Variants in DGKB observed in about 807,000 individuals in gnomAD.
The protein encoded by DGKB is diacylglycerol kinase beta, also known as 90 kDa diacylglycerol kinase.
Under a neutral mutation model 114.3 loss-of-function variants are expected in DGKB, and 67 were observed. That is an observed-to-expected ratio of 0.59 (90% CI 0.48 to 0.72). DGKB has a LOEUF of 0.72. Among genes scored for constraint, DGKB ranks in the 30% least tolerant of loss-of-function variants. The probability of loss-of-function intolerance (pLI) is 0.00; values close to 1 mark genes in which losing one functional copy is unlikely to be tolerated. For synonymous variants in DGKB, 398 were observed against 323.1 expected (o/e 1.23, Z -2.49); for missense variants, 907 against 975.2 (o/e 0.93, Z 0.93).
chr7:14,370,728 T>G (rs1290157646), intron 21 of DGKB, among the ~76,000 whole-genome samples: 5 of 152,144 alleles, frequency 3.3e-5, no homozygotes, highest in Non-Finnish European at 5.9e-5. Context: ...ATGGGTATAT[T>G]GCATGAAGCT....
intron 21 of DGKB, among the ~76,000 whole-genome samples, chr7:14,367,123 C>T (rs1319217134): frequency 6.6e-6 from 1 of 152,140 alleles, no homozygotes; most frequent in African/African-American, 2.4e-5. Context: ...AGCTCCCAGC[C>T]ACGCTATCTT....
At chr7:14,499,270 C>G (rs1377049375) in intron 20 of DGKB, among the ~76,000 whole-genome samples, 4 of 151,726 alleles carry the variant, frequency 2.6e-5, no homozygotes, top group Non-Finnish European at 3.0e-5. Flanking sequence ...GGGCTGGTAT[C>G]TAGGAGTTAA....
intron 1 of DGKB, among the ~76,000 whole-genome samples, chr7:14,843,522 G>A (rs1249052100): frequency 6.6e-6 from 1 of 151,052 alleles, no homozygotes; most frequent in African/African-American, 2.4e-5. Context: ...TTTTAGTAGA[G>A]ACGGGGTTTC....
At chr7:14,189,651 A>T (rs886391248) in intron 23 of DGKB, among the ~76,000 whole-genome samples, 1 of 152,178 alleles carries the variant, frequency 6.6e-6, no homozygotes, top group Middle Eastern at 3.2e-3. Context: ...ACCCAACTAT[A>T]TACTACCTAA....
intron 21 of DGKB, among the ~76,000 whole-genome samples, chr7:14,407,147 G>A (rs1446886415): frequency 1.3e-5 from 2 of 152,106 alleles, no homozygotes; most frequent in Admixed American, 1.3e-4. Flanking sequence ...GCATGAATGT[G>A]ACAGGGAGCA....
chr7:14,798,827 G>A (rs1051663618), intron 2 of DGKB, among the ~76,000 whole-genome samples: 2 of 152,204 alleles, frequency 1.3e-5, no homozygotes, highest in African/African-American at 2.4e-5. Context: ...AACAGATATA[G>A]TCAGCAGCTC....
intron 1 of DGKB, among the ~76,000 whole-genome samples, chr7:14,876,162 C>T (rs893108876): frequency 6.6e-6 from 1 of 152,122 alleles, no homozygotes; most frequent in African/African-American, 2.4e-5. Context: ...TGTCTGTTTA[C>T]CATTGCCATG....
intron 2 of DGKB, among the ~76,000 whole-genome samples, chr7:14,818,229 C>T (rs1844435336): frequency 6.6e-6 from 1 of 152,102 alleles, no homozygotes; most frequent in Admixed American, 6.5e-5. Context: ...AATAATCCTC[C>T]TACAAGTGAC....
intron 1 of DGKB, among the ~76,000 whole-genome samples, chr7:14,971,341 T>C (rs1787455469): frequency 6.6e-6 from 1 of 152,184 alleles, no homozygotes; most frequent in Non-Finnish European, 1.5e-5. Flanking sequence ...AAAAATCTCA[T>C]TCATATTGCA....
intron 8 of DGKB, among the ~76,000 whole-genome samples, chr7:14,696,501 C>CAA (rs35486620): frequency 0.031 from 1,399 of 45,100 alleles, 136 homozygotes; most frequent in East Asian, 0.062. Context: ...GACTCCGTCT[C>CAA]AAAAAAAAAA....
At chr7:14,734,661 G>A (rs969244755) in intron 5 of DGKB, among the ~76,000 whole-genome samples, 2 of 151,894 alleles carry the variant, frequency 1.3e-5, no homozygotes, top group Non-Finnish European at 2.9e-5. Context: ...ACTATTTTTT[G>A]TTTGTTTTTG....
intron 1 of DGKB, among the ~76,000 whole-genome samples, chr7:14,964,906 C>G (rs1787063829): frequency 1.3e-5 from 2 of 152,044 alleles, no homozygotes; most frequent in Non-Finnish European, 2.9e-5. Flanking sequence ...ACAGATAGTA[C>G]TGGATCATAA....
chr7:14,612,360 G>T (rs566702144), intron 16 of DGKB, among the ~76,000 whole-genome samples: 2 of 151,642 alleles, frequency 1.3e-5, no homozygotes, highest in Non-Finnish European at 2.9e-5. Context: ...TAGTAGAGAC[G>T]GGGTTTCACT....
intron 1 of DGKB, among the ~76,000 whole-genome samples, chr7:14,856,653 C>T (rs181025698): frequency 6.8e-6 from 1 of 147,286 alleles, no homozygotes; most frequent in Non-Finnish European, 1.5e-5. Context: ...TAAAAGTATT[C>T]ATTGTGTGTG....
At chr7:14,805,511 T>G (rs940647655) in intron 2 of DGKB, among the ~76,000 whole-genome samples, 1 of 152,070 alleles carries the variant, frequency 6.6e-6, no homozygotes, top group East Asian at 1.9e-4. Flanking sequence ...TTTTCATGGT[T>G]TTTTTCAGTT....
intron 21 of DGKB, among the ~76,000 whole-genome samples, chr7:14,466,795 C>T (rs898846014): frequency 2.6e-5 from 4 of 151,952 alleles, no homozygotes; most frequent in African/African-American, 7.3e-5. Flanking sequence ...TGCAGCCTGG[C>T]GACAGAGCAA....
chr7:14,913,108 C>T (rs1390622675), intron 1 of DGKB, among the ~76,000 whole-genome samples: 1 of 152,044 alleles, frequency 6.6e-6, no homozygotes, highest in Non-Finnish European at 1.5e-5. Flanking sequence ...CACAATGTTC[C>T]AGCATTGTGG....
intron 20 of DGKB, among the ~76,000 whole-genome samples, chr7:14,570,241 G>T (rs928201948): frequency 6.6e-6 from 1 of 151,702 alleles, no homozygotes; most frequent in Admixed American, 6.6e-5. Context: ...TCTCAATAAT[G>T]CAGCTTTCAG....
At chr7:14,828,083 G>A (rs892308941) in intron 2 of DGKB, among the ~76,000 whole-genome samples, 2 of 152,066 alleles carry the variant, frequency 1.3e-5, no homozygotes, top group African/African-American at 4.8e-5. Flanking sequence ...AAAATGCCAA[G>A]ATACATATGC....
Sources: allele counts gnomAD v4.1 joint callset (sites outside exome capture counted in the v4.1 genomes callset), GRCh38; gene constraint gnomAD v4.1.1; transcripts MANE v1.5; gene names NCBI Gene and HGNC (gene_info 2026-07-23, HGNC 2026-07-21).